The following PCYT2 variants were observed in gnomAD, a reference collection of about 807,000 sequenced individuals.
PCYT2 encodes phosphate cytidylyltransferase 2, ethanolamine.
A neutral mutation model predicts 50.0 loss-of-function variants in PCYT2; 33 were observed. The ratio of observed to expected loss-of-function variants is 0.66; its 90% CI spans 0.50 to 0.88. The LOEUF (loss-of-function observed/expected upper bound fraction) is 0.88. Among genes scored for constraint, PCYT2 ranks in the 40% least tolerant of loss-of-function variants. The probability of loss-of-function intolerance (pLI) is 0.00; values close to 1 mark genes in which losing one functional copy is unlikely to be tolerated. For synonymous variants in PCYT2, 240 were observed against 203.7 expected (o/e 1.18, Z -1.52); for missense variants, 430 against 519.7 (o/e 0.83, Z 1.68).
rs983538620 is a variant in PCYT2, at chr17:81,905,057, C to T, written c.1058+9G>A. 6.2e-7 allele frequency: 1 copy of T among 1,607,672 alleles called. No individual in the cohort carries two copies. The highest frequency in any genetic ancestry group is 1.7e-5 in the Admixed American group (1 of 59,792). On this transcript the variant is annotated intron_variant, in intron 12 of 12. Coordinates refer to ENST00000538936, the MANE Select transcript of PCYT2 (RefSeq NM_002861.5). ...GAGGCGGCTCCGAGGTGCCCCCACC[C>T]AACTGCACCTGTTGGTGATGATCCG... is the stretch of plus-strand genomic sequence containing the variant.
chr17:81,911,230 C>G (rs897496409), intron 1 of PCYT2, 37 bp downstream of exon 1: 10 of 1,029,902 alleles, frequency 9.7e-6, no homozygotes, highest in African/African-American at 1.7e-5. Flanking sequence ...GAAGCCGGCC[C>G]CGGCGCCCCC....
chr17:81,905,134 G>A lies in PCYT2; in HGVS notation c.990C>T (p.Ile330=). Reference sequence around the variant, plus strand: ...TGCTGCCACTGTCAATCTGACGGAAGATGCCCCTTCTCTTGGGCTCCTGGG... The same window carrying A: ...TGCTGCCACTGTCAATCTGACGGAAAATGCCCCTTCTCTTGGGCTCCTGGG... ...DPYQEPKRRG[I]FRQIDSGSNL... is the part of the protein sequence containing the mutation. The change falls in exon 12 of 13, where the codon ATC becomes ATT. Residue 330 remains isoleucine (I), a synonymous_variant. Coordinates refer to ENST00000538936, the MANE Select transcript of PCYT2 (RefSeq NM_002861.5). 6.2e-7 allele frequency: 1 copy of A among 1,613,234 alleles called. No homozygotes were observed. Among genetic ancestry groups the A allele is most frequent in the Non-Finnish European group, 8.5e-7 (1 of 1,179,858 alleles).
chr17:81,902,911 G>A lies in PCYT2; in HGVS notation c.*1922C>T. On this transcript the variant is annotated 3_prime_UTR_variant, in exon 13 of 13. Coordinates refer to ENST00000538936, the MANE Select transcript of PCYT2 (RefSeq NM_002861.5). ...ATAAATGAGGCGGCCTCGGAGTGAG[G>A]GGTGCTGGAGGACTGGCAGCCAGGC... The A allele has an allele frequency of 1.6e-6, 1 of 611,020 alleles. No individual in the cohort carries two copies. Among genetic ancestry groups the A allele is most frequent in the Non-Finnish European group, 2.7e-6 (1 of 376,238 alleles). 37.8% of individuals were successfully genotyped at this position (611,020 alleles called of 1,614,324 possible).
Position 81,902,584 on chromosome 17 carries a change from C to T in PCYT2, c.*2249G>A. 6.6e-7 allele frequency: 1 copy of T among 1,520,408 alleles called. No individual in the cohort carries two copies. The allele number at this position is 1,520,408 out of a possible 1,614,324, so 94.2% of individuals were successfully genotyped here. On this transcript the variant is annotated 3_prime_UTR_variant, in exon 13 of 13. Transcript: ENST00000538936. ...CGGCGGCAGGACGTGGGTGGGGGTG[C>T]GGCGGCCCCTCAGCCTTTGCTTGCC... is the stretch of plus-strand genomic sequence containing the variant.
chr17:81,905,528 G>C, intron 10 of PCYT2, 81 bp from the exon 11 acceptor site: 1 of 1,466,602 alleles, frequency 6.8e-7, no homozygotes, highest in Admixed American at 1.9e-5. Flanking sequence ...GGCCCCGGGG[G>C]TTGGGAGAGC....
At chr17:81,911,088 C>T in intron 1 of PCYT2, 179 bp downstream of exon 1, 1 of 1,002,440 alleles carries the variant, frequency 1.0e-6, no homozygotes, top group Non-Finnish European at 1.2e-6. Context: ...CGGCAGGGCG[C>T]GGAGCCTCTG....
chr17:81,902,030 T>G lies in PCYT2; in HGVS notation c.*2803A>C. The G allele has an allele frequency of 3.8e-6, 1 of 262,728 alleles. No homozygotes were observed. The highest frequency in any genetic ancestry group is 5.5e-5 in the Admixed American group (1 of 18,296). The allele number at this position is 262,728 out of a possible 1,614,324, so 16.3% of individuals were successfully genotyped here. Reference sequence around the variant, plus strand: ...GCGCGAGCGGCATGGGTGGGGAGCTTGAGGGGGCGTTGGGCTCCCACCAAG... The same window carrying G: ...GCGCGAGCGGCATGGGTGGGGAGCTGGAGGGGGCGTTGGGCTCCCACCAAG... On this transcript the variant is annotated 3_prime_UTR_variant, in exon 13 of 13. Transcript: ENST00000538936.
At chr17:81,905,358 C>G (rs375375210) in intron 11 of PCYT2, 24 bp downstream of exon 11, 1 of 1,548,330 alleles carries the variant, frequency 6.5e-7, no homozygotes, top group Non-Finnish European at 8.7e-7. Flanking sequence ...ACCCCTGTGC[C>G]CAGCAAGGGC....
intron 3 of PCYT2, 27 bp from the exon 4 acceptor site, chr17:81,908,661 A>T (rs769206997): frequency 4.4e-6 from 7 of 1,595,382 alleles, no homozygotes; most frequent in Non-Finnish European, 3.4e-6. Flanking sequence ...AAGGACAAGG[A>T]TCCTTAACCC....
intron 5 of PCYT2, 79 bp downstream of exon 5, chr17:81,907,694 C>G: frequency 6.3e-7 from 1 of 1,596,708 alleles, no homozygotes; most frequent in Non-Finnish European, 8.6e-7. Flanking sequence ...CAGGAGGACC[C>G]TGAGAGGGCA....
In PCYT2 at chr17:81,905,665, C is replaced by T. The variant is rs761086342; in HGVS notation, c.903+5G>A. ...GGAACGAGGTGAGCCCATGCGGAGCCTCACCTTGAAGTGACTTAGGAGCTC... is the reference window on the plus strand; with the variant it reads ...GGAACGAGGTGAGCCCATGCGGAGCTTCACCTTGAAGTGACTTAGGAGCTC... On this transcript the variant is annotated splice_donor_5th_base_variant and intron_variant, in intron 10 of 12. Coordinates refer to ENST00000538936, the MANE Select transcript of PCYT2 (RefSeq NM_002861.5). 19 of 1,612,914 alleles carry T rather than the reference C, an allele frequency of 1.2e-5. No homozygotes were observed. The highest frequency in any genetic ancestry group is 3.3e-5 in the Admixed American group (2 of 59,996).
At chr17:81,907,943 C>A (rs1458319111) in intron 4 of PCYT2, 86 bp from the exon 5 acceptor site, 1 of 1,149,552 alleles carries the variant, frequency 8.7e-7, no homozygotes, top group Non-Finnish European at 1.3e-6. Context: ...ACACTAGCAG[C>A]CCTGCTGTGG....
At chr17:81,910,319 G>A (rs553429448) in intron 1 of PCYT2, among the ~76,000 whole-genome samples, 105 of 152,318 alleles carry the variant, frequency 6.9e-4, no homozygotes, top group African/African-American at 2.4e-3. Flanking sequence ...CCCTCAAGTG[G>A]ACAAAGCTGT....
At position 81,902,369 on chromosome 17, in the gene PCYT2, G is replaced by A. The variant is rs1278860973; in HGVS notation, c.*2464C>T. 2.2e-6 allele frequency: 3 copies of A among 1,339,900 alleles called. No homozygotes were observed. Among genetic ancestry groups the A allele is most frequent in the Non-Finnish European group, 2.8e-6 (3 of 1,053,316 alleles). 83.0% of individuals were successfully genotyped at this position (1,339,900 alleles called of 1,614,324 possible). On this transcript the variant is annotated 3_prime_UTR_variant, in exon 13 of 13. Transcript: ENST00000538936. ...CTCGCGTGGTACAAGCCAGCGGCGG[G>A]GCACAGCTCCTACTCGGTGGGCCGC...
In PCYT2 at chr17:81,909,404, C is replaced by T. The variant is rs1478948438; in HGVS notation, c.178+110G>A. On this transcript the variant is annotated intron_variant, in intron 2 of 12. Transcript: ENST00000538936. ...CTGGGTGAGCCTACAGTGCCCTCCC[C>T]TACAGCTGTGCCCTGGCAAGGTGGC... is the stretch of plus-strand genomic sequence containing the variant. The T allele has an allele frequency of 8.9e-6, 13 of 1,457,684 alleles. No homozygotes were observed. The Admixed American group carries it at 9.4e-5, about 11-fold the overall frequency. 90.3% of individuals were successfully genotyped at this position (1,457,684 alleles called of 1,614,324 possible). A position where few individuals can be genotyped will look rare whatever the true frequency, so the allele number is the denominator to read the frequency against.
chr17:81,909,979 G>T (rs575868753), intron 1 of PCYT2, among the ~76,000 whole-genome samples: 2 of 152,340 alleles, frequency 1.3e-5, no homozygotes, highest in East Asian at 3.9e-4. Context: ...ATAAGCCGAT[G>T]TTAACTCTTG....
In PCYT2 at chr17:81,902,780, C is replaced by T. The variant is rs370783148; in HGVS notation, c.*2053G>A. ...ACCTCTCCTGGCACCGCTGGGGGCC[C>T]CCCGCCCCCACCGTCCCACTCGGTG... On this transcript the variant is annotated 3_prime_UTR_variant, in exon 13 of 13. Transcript: ENST00000538936. The T allele has an allele frequency of 1.4e-5, 22 of 1,575,684 alleles. No homozygotes were observed. Among genetic ancestry groups the T allele is most frequent in the Non-Finnish European group, 1.9e-5 (22 of 1,163,590 alleles).
chr17:81,908,801 G>A, intron 3 of PCYT2, 75 bp downstream of exon 3: 8 of 1,463,404 alleles, frequency 5.5e-6, no homozygotes, highest in East Asian at 2.3e-5. Flanking sequence ...CCCTGTTCCC[G>A]GATGTCCCAC....
At position 81,907,780 on chromosome 17, in the gene PCYT2, C is replaced by G; in HGVS notation, c.485G>C (p.Ser162Thr). ...ATTCCGCCGCCGACTCACCTGGCTG[C>G]TGTGATGGGCTTTGGTTACCAGCAG... ...RMLLVTKAHH[S>T]SQEMSSEYRE... The change falls in exon 5 of 13, where the codon AGC (serine) becomes ACC (threonine). Residue 162 changes from serine to threonine, a missense_variant. By Grantham distance (58) the Ser-to-Thr change is moderately conservative. This residue lies in a region of PCYT2 where 248 missense variants were observed against 300.2 expected (regional missense o/e 0.83). Coordinates refer to ENST00000538936, the MANE Select transcript of PCYT2 (RefSeq NM_002861.5). The G allele has an allele frequency of 6.2e-7, 1 of 1,613,228 alleles. No individual in the cohort carries two copies. Among genetic ancestry groups the G allele is most frequent in the Non-Finnish European group, 8.5e-7 (1 of 1,179,956 alleles).
Sources: gnomAD v4.1 joint callset for allele counts (sites outside exome capture counted in the v4.1 genomes callset) on GRCh38, gnomAD v4.1.1 for gene constraint, gnomAD v4.1.1 regional missense constraint, MANE v1.5 for transcripts, NCBI Gene and HGNC (gene_info 2026-07-23, HGNC 2026-07-21) for gene names.